Variants in PTK2 observed in about 807,000 individuals in gnomAD.
PTK2 encodes the protein protein tyrosine kinase 2.
In PTK2, 45 loss-of-function variants were observed where a neutral mutation model predicts 150.1. That is an observed-to-expected ratio of 0.30 (90% CI 0.24 to 0.38). The LOEUF (loss-of-function observed/expected upper bound fraction) is 0.38. PTK2 is among the 10% of genes least tolerant of loss of function. PTK2 has a pLI of 1.00. For missense variants in PTK2, 919 were observed against 1,307.3 expected (o/e 0.70, Z 4.58); for synonymous variants, 432 against 449.2 (o/e 0.96, Z 0.48).
At chr8:140,712,393 G>A (rs1163352026) in intron 23 of PTK2, among the ~76,000 whole-genome samples, 1 of 152,146 alleles carries the variant, frequency 6.6e-6, no homozygotes, top group African/African-American at 2.4e-5. Context: ...TCATACAGCT[G>A]TACAACTGGA....
chr8:140,769,168 T>C (rs2154556619), intron 14 of PTK2, among the ~76,000 whole-genome samples: 1 of 152,324 alleles, frequency 6.6e-6, no homozygotes, highest in East Asian at 1.9e-4. Context: ...TTTAAAATCA[T>C]TTTTCATTCT....
At chr8:140,953,514 A>G (rs936784364) in intron 1 of PTK2, among the ~76,000 whole-genome samples, 2 of 152,336 alleles carry the variant, frequency 1.3e-5, no homozygotes, top group African/African-American at 4.8e-5. Flanking sequence ...TGCTGGACAA[A>G]GGGACAATTC....
Position 140,744,374 on chromosome 8 carries a change from T to C in PTK2, c.1634+278A>G, listed in dbSNP as rs116081471. Among the ~76,000 whole-genome samples the C allele has an allele frequency of 4.9e-3, 739 of 152,262 alleles. 4 individuals are homozygous for C. Among genetic ancestry groups the C allele is most frequent in the African/African-American group, 0.017 (708 of 41,548 alleles). On this transcript the variant is annotated intron_variant, in intron 19 of 31. Coordinates refer to ENST00000522684, the Ensembl canonical transcript of PTK2. ...GTAGGGAATAAGTGACCTGAAAGTA[T>C]CACAATGTTTTAAACTCCACGTGTG...
intron 23 of PTK2, among the ~76,000 whole-genome samples, chr8:140,715,273 A>G (rs1051390090): frequency 2.1e-5 from 3 of 144,076 alleles, no homozygotes; most frequent in African/African-American, 7.9e-5. Context: ...CCTGAGTTCA[A>G]GCAATTATCT....
intron 2 of PTK2, among the ~76,000 whole-genome samples, chr8:140,917,320 C>T (rs1451340449): frequency 6.7e-6 from 1 of 148,180 alleles, no homozygotes; most frequent in Non-Finnish European, 1.5e-5. Flanking sequence ...CCAGCCTGGG[C>T]GACAGAGCAA....
intron 5 of PTK2, among the ~76,000 whole-genome samples, chr8:140,848,468 A>T (rs1223408665): frequency 1.3e-5 from 2 of 152,160 alleles, no homozygotes; most frequent in Admixed American, 1.3e-4. Flanking sequence ...TAAACGAATG[A>T]ACAAACAGTC....
At chr8:140,911,421 T>C (rs1159317944) in intron 2 of PTK2, among the ~76,000 whole-genome samples, 1 of 152,138 alleles carries the variant, frequency 6.6e-6, no homozygotes, top group African/African-American at 2.4e-5. Context: ...AAGAAACTGG[T>C]TTAATGTTTT....
intron 1 of PTK2, among the ~76,000 whole-genome samples, chr8:140,993,709 G>A (rs2100196597): frequency 6.6e-6 from 1 of 152,068 alleles, no homozygotes; most frequent in African/African-American, 2.4e-5. Context: ...GAGACCCTAG[G>A]CACAGATAAC....
At position 140,833,273 on chromosome 8, in the gene PTK2, A is replaced by G. The variant is rs912340078; in HGVS notation, c.594-2747T>C. Among the ~76,000 whole-genome samples the G allele has an allele frequency of 2.8e-4, 42 of 152,166 alleles. 1 individual carries two copies. Among genetic ancestry groups the G allele is most frequent in the Admixed American group, 2.6e-3 (40 of 15,284 alleles). On this transcript the variant is annotated intron_variant, in intron 7 of 31. Coordinates refer to ENST00000522684, the Ensembl canonical transcript of PTK2. Reference sequence around the variant, plus strand: ...AATAATGAATTTGTAACGTTTGTCCATATGTTAGAACTTTTTTGATACCTG... The same window carrying G: ...AATAATGAATTTGTAACGTTTGTCCGTATGTTAGAACTTTTTTGATACCTG...
intron 1 of PTK2, among the ~76,000 whole-genome samples, chr8:140,995,542 TG>T (rs2154610361): frequency 6.6e-6 from 1 of 152,236 alleles, no homozygotes; most frequent in Non-Finnish European, 1.5e-5. Flanking sequence ...ACAGTGGTGA[TG>T]CCTGTAATCC....
intron 29 of PTK2, 171 bp from the exon 33 acceptor site, chr8:140,669,906 G>C: frequency 4.1e-6 from 3 of 726,296 alleles, no homozygotes; most frequent in East Asian, 5.4e-5. Flanking sequence ...ACTGTTGCCA[G>C]GGTGTGGCTA....
intron 2 of PTK2, among the ~76,000 whole-genome samples, chr8:140,920,068 G>A (rs1176538804): frequency 6.6e-6 from 1 of 151,724 alleles, no homozygotes; most frequent in Non-Finnish European, 1.5e-5. Flanking sequence ...CTTTCCTAAG[G>A]GAGTAACATG....
intron 23 of PTK2, among the ~76,000 whole-genome samples, chr8:140,714,096 C>A (rs1401606639): frequency 6.6e-6 from 1 of 152,146 alleles, no homozygotes; most frequent in Non-Finnish European, 1.5e-5. Context: ...TCCTGTTGCC[C>A]AGGCCGGTCT....
intron 2 of PTK2, among the ~76,000 whole-genome samples, chr8:140,900,244 G>C (rs1367402819): frequency 6.6e-6 from 1 of 152,124 alleles, no homozygotes; most frequent in Non-Finnish European, 1.5e-5. Context: ...AAAGTAGCAG[G>C]ATGCAAAAAC....
At chr8:140,881,946 G>A (rs1486688202) in intron 3 of PTK2, among the ~76,000 whole-genome samples, 2 of 152,202 alleles carry the variant, frequency 1.3e-5, no homozygotes, top group South Asian at 2.1e-4. Flanking sequence ...TGACTTCAAA[G>A]TGTGGATCTG....
chr8:140,806,389 T>G (rs2100098205), intron 10 of PTK2, among the ~76,000 whole-genome samples: 1 of 152,184 alleles, frequency 6.6e-6, no homozygotes, highest in South Asian at 2.1e-4. Context: ...AGCTACTGCA[T>G]GCACGTACGT....
At chr8:140,761,571 C>T (rs2100069455) in intron 15 of PTK2, among the ~76,000 whole-genome samples, 2 of 151,946 alleles carry the variant, frequency 1.3e-5, no homozygotes, top group Admixed American at 6.6e-5. Flanking sequence ...TAAATAATTG[C>T]CCCAACTATT....
chr8:140,700,970 A>G (rs1437214210), exon 26 of PTK2: 1 of 1,614,048 alleles, frequency 6.2e-7, no homozygotes. Context: ...CTCTTCCATC[A>G]GATGGGTTGG....
chr8:140,895,514 CCT>C (rs1390102640), intron 2 of PTK2, among the ~76,000 whole-genome samples: 1 of 136,702 alleles, frequency 7.3e-6, no homozygotes, highest in African/African-American at 2.6e-5. Context: ...AGAGCACAAC[CCT>C]GTCTCCTTTA....
Sources: allele counts gnomAD v4.1 joint callset (sites outside exome capture counted in the v4.1 genomes callset), GRCh38; gene constraint gnomAD v4.1.1; transcripts MANE v1.5; gene names NCBI Gene and HGNC (gene_info 2026-07-23, HGNC 2026-07-21).